Variants in HIPK2 observed in about 807,000 individuals in gnomAD.
The protein encoded by HIPK2 is homeodomain interacting protein kinase 2.
A neutral mutation model predicts 113.7 loss-of-function variants in HIPK2; 27 were observed. That is an observed-to-expected ratio of 0.24 (90% CI 0.17 to 0.33). HIPK2 has a LOEUF of 0.33. Ranked by LOEUF, HIPK2 falls within the 10% of genes least tolerant of loss-of-function variation. The pLI, the probability that HIPK2 is intolerant of heterozygous loss-of-function variation, is 1.00. For synonymous variants in HIPK2, 631 were observed against 642.2 expected, an observed-to-expected ratio of 0.98 and a Z score of 0.26; for missense variants, 1,257 against 1,588.0, an observed-to-expected ratio of 0.79 and a Z score of 3.54.
chr7:139,649,066 A>T (rs892602221), intron 2 of HIPK2, among the ~76,000 whole-genome samples: 1 of 130,702 alleles, frequency 7.7e-6, no homozygotes, highest in Admixed American at 8.6e-5. Flanking sequence ...AAAAGGTCAG[A>T]AAGAGAACAA....
intron 2 of HIPK2, among the ~76,000 whole-genome samples, chr7:139,659,097 T>C (rs555654132): frequency 8.5e-5 from 13 of 152,144 alleles, no homozygotes; most frequent in African/African-American, 2.2e-4. Flanking sequence ...CCAAAAACAA[T>C]AGGGCCCTGT....
At chr7:139,691,443 T>C (rs183883221) in intron 2 of HIPK2, among the ~76,000 whole-genome samples, 25 of 152,354 alleles carry the variant, frequency 1.6e-4, no homozygotes, top group Non-Finnish European at 3.2e-4. Flanking sequence ...ATAGCCAATG[T>C]CATTAAGTCT....
chr7:139,772,041 C>T (rs1449078231), intron 1 of HIPK2, among the ~76,000 whole-genome samples: 2 of 152,204 alleles, frequency 1.3e-5, no homozygotes, highest in African/African-American at 4.8e-5. Context: ...CTGACAATTT[C>T]AAGTCACAGA....
Position 139,573,045 on chromosome 7 carries a change from G to C in HIPK2, c.3479C>G (p.Pro1160Arg). 6.2e-7 allele frequency: 1 copy of C among 1,612,464 alleles called. No individual in the cohort carries two copies. The highest frequency in any genetic ancestry group is 8.5e-7 in the Non-Finnish European group (1 of 1,179,364). ...GGCAAATTGGGCTGGATACTGACTC[G>C]GGTGGATGGTGGGCGAGGGCAGGAC... ...PRVLPSPTIH[P>R]SQYPAQFAHQ... is the part of the protein sequence containing the mutation. The change falls in exon 15 of 15, where the codon CCG becomes CGG. Residue 1160 changes from proline (P) to arginine (R), a missense_variant. By Grantham distance (103) the Pro-to-Arg change is moderately radical. Transcript: ENST00000406875.
intron 1 of HIPK2, among the ~76,000 whole-genome samples, chr7:139,754,194 C>T (rs1292842191): frequency 6.6e-6 from 1 of 152,234 alleles, no homozygotes; most frequent in African/African-American, 2.4e-5. Context: ...AGAGGAGATA[C>T]TGCACCTCAG....
chr7:139,741,676 G>A lies in HIPK2; in HGVS notation c.20-24661C>T, dbSNP rs191652159. On this transcript the variant is annotated intron_variant, in intron 1 of 14. Transcript: ENST00000406875. ...TTGTTATTTCTCCAATTCCGTGAAC[G>A]TTGATCAGTTCAGTATAGCTCTGAA... Among the ~76,000 whole-genome samples, 24 of 152,152 alleles carry A rather than the reference G, an allele frequency of 1.6e-4. No individual in the cohort carries two copies. The East Asian group carries it at 3.9e-3, about 25-fold the overall frequency.
chr7:139,746,536 C>T (rs777863709), intron 1 of HIPK2, among the ~76,000 whole-genome samples: 2 of 152,176 alleles, frequency 1.3e-5, no homozygotes, highest in South Asian at 4.1e-4. Context: ...CTGGGCTTGG[C>T]ACACTGTAGG....
Position 139,693,986 on chromosome 7 carries a change from A to G in HIPK2, c.1103+21946T>C, listed in dbSNP as rs536163738. On this transcript the variant is annotated intron_variant, in intron 2 of 14. Transcript: ENST00000406875. The stretch of plus-strand genomic sequence containing the variant: ...CCACTTCCACATGCATAAAGAGTGC[A>G]GTCTTTCCTTGAAGTGACTGATTCT... Among the ~76,000 whole-genome samples the G allele has an allele frequency of 3.9e-5, 6 of 152,352 alleles. No homozygotes were observed. The South Asian group carries it at 8.3e-4, about 21-fold the overall frequency.
At chr7:139,660,084 G>C (rs1323976299) in intron 2 of HIPK2, among the ~76,000 whole-genome samples, 5 of 152,180 alleles carry the variant, frequency 3.3e-5, no homozygotes, top group Admixed American at 6.5e-5. Context: ...TCACTGGCTG[G>C]CAATACACAC....
rs1267202699 is a variant in HIPK2, at chr7:139,676,863, TTTC to T, written c.1103+39066_1103+39068del. ...GAACCATAGTATTTCTTTTTTTCTT[TTTC>T]TTTTTTTTTTTTTTGAGATAGTTTT... On this transcript the variant is annotated intron_variant, in intron 2 of 14. Transcript: ENST00000406875. 2.7e-5 allele frequency among the ~76,000 whole-genome samples: 3 copies of T among 112,766 alleles called. No individual in the cohort carries two copies. In the South Asian group the frequency reaches 7.2e-4, roughly 27 times the overall value. 74.0% of individuals were successfully genotyped at this position (112,766 alleles called of 152,430 possible). A position where few individuals can be genotyped will look rare whatever the true frequency, so the allele number is the denominator to read the frequency against.
intron 2 of HIPK2, among the ~76,000 whole-genome samples, chr7:139,703,212 G>A (rs1456290920): frequency 6.6e-6 from 1 of 152,100 alleles, no homozygotes; most frequent in Non-Finnish European, 1.5e-5. Context: ...AAAACGGAAA[G>A]TTCTATGAAT....
intron 2 of HIPK2, among the ~76,000 whole-genome samples, chr7:139,635,600 C>T (rs1246012050): frequency 2.6e-5 from 4 of 152,166 alleles, no homozygotes; most frequent in South Asian, 4.2e-4. Flanking sequence ...CAGCCATTCA[C>T]GGTACCATGA....
rs142718908 is a variant in HIPK2 at position 139,728,098 on chromosome 7, C to G, written c.20-11083G>C. On this transcript the variant is annotated intron_variant, in intron 1 of 14. Coordinates refer to ENST00000406875, the MANE Select transcript of HIPK2 (RefSeq NM_022740.5). The stretch of plus-strand genomic sequence containing the variant: ...GGGATTACAGGTGTGCGCCATCATG[C>G]CTGCCTAATTTATTTTTATTTTTTT... Among the ~76,000 whole-genome samples, 808 of 152,002 alleles carry G rather than the reference C, an allele frequency of 5.3e-3. 2 individuals carry two copies. Among genetic ancestry groups the G allele is most frequent in the Non-Finnish European group, 7.6e-3 (519 of 67,962 alleles).
At chr7:139,666,624 A>C (rs1273592846) in intron 2 of HIPK2, among the ~76,000 whole-genome samples, 1 of 152,220 alleles carries the variant, frequency 6.6e-6, no homozygotes, top group East Asian at 1.9e-4. Flanking sequence ...TCATTTGTTA[A>C]GAGGCACCAC....
At position 139,561,677 on chromosome 7, in the gene HIPK2, T is replaced by C. The variant is rs1797951780; in HGVS notation, c.*11250A>G. On this transcript the variant is annotated 3_prime_UTR_variant, in exon 15 of 15. Transcript: ENST00000406875. The stretch of plus-strand genomic sequence containing the variant: ...TTTACAAATTTTAATTAATAAGTCA[T>C]TTCACCTCGGAGACCGAAAAAATGA... The C allele has an allele frequency of 6.6e-6, 1 of 152,048 alleles. No homozygotes were observed. Among genetic ancestry groups the C allele is most frequent in the African/African-American group, 2.4e-5 (1 of 41,400 alleles). 9.4% of individuals were successfully genotyped at this position (152,048 alleles called of 1,614,324 possible).
At chr7:139,643,530 A>C (rs1386728877) in intron 2 of HIPK2, among the ~76,000 whole-genome samples, 2 of 152,182 alleles carry the variant, frequency 1.3e-5, no homozygotes, top group African/African-American at 4.8e-5. Flanking sequence ...AAATGAATAT[A>C]ATCTCCAAAG....
At chr7:139,727,191 T>A (rs1274546102) in intron 1 of HIPK2, among the ~76,000 whole-genome samples, 1 of 152,096 alleles carries the variant, frequency 6.6e-6, no homozygotes, top group African/African-American at 2.4e-5. Flanking sequence ...AGAGACATTG[T>A]CAAATAGTAT....
intron 2 of HIPK2, among the ~76,000 whole-genome samples, chr7:139,711,458 G>C (rs1391910329): frequency 6.6e-6 from 1 of 152,054 alleles, no homozygotes; most frequent in Non-Finnish European, 1.5e-5. Flanking sequence ...TTCTGAAAAA[G>C]TGGATTATTT....
At chr7:139,731,694 G>A (rs1282547917) in intron 1 of HIPK2, among the ~76,000 whole-genome samples, 1 of 152,200 alleles carries the variant, frequency 6.6e-6, no homozygotes, top group Non-Finnish European at 1.5e-5. Context: ...CAGTGATGCC[G>A]GGGATGTGAG....
Sources: allele counts gnomAD v4.1 joint callset (sites outside exome capture counted in the v4.1 genomes callset), GRCh38; gene constraint gnomAD v4.1.1; transcripts MANE v1.5; gene names NCBI Gene and HGNC (gene_info 2026-07-23, HGNC 2026-07-21).